GSG1L: variants seen among roughly 807,000 people sequenced by gnomAD.
The protein encoded by GSG1L is germ cell-specific gene 1-like protein.
In GSG1L, 24 loss-of-function variants were observed where a neutral mutation model predicts 42.1. The ratio of observed to expected loss-of-function variants is 0.57; its 90% CI spans 0.41 to 0.80. GSG1L has a LOEUF of 0.80. Among genes scored for constraint, GSG1L ranks in the 30% least tolerant of loss-of-function variants. The pLI is 0.00. For missense variants in GSG1L, 445 were observed against 472.2 expected (o/e 0.94, Z 0.53); for synonymous variants, 215 against 203.5 (o/e 1.06, Z -0.48).
At chr16:28,032,902 C>G (rs1401273524) in intron 1 of GSG1L, among the ~76,000 whole-genome samples, 1 of 152,186 alleles carries the variant, frequency 6.6e-6, no homozygotes, top group African/African-American at 2.4e-5. Flanking sequence ...CCTTCAATAT[C>G]TGCCTGCCTT....
At chr16:27,865,598 CACAT>C (rs1311293891) in intron 3 of GSG1L, among the ~76,000 whole-genome samples, 2 of 137,424 alleles carry the variant, frequency 1.5e-5, no homozygotes, top group Non-Finnish European at 3.2e-5. Flanking sequence ...TACATACACA[CACAT>C]ATATATACAC....
chr16:27,845,405 T>C (rs1172622666), intron 3 of GSG1L, among the ~76,000 whole-genome samples: 1 of 152,192 alleles, frequency 6.6e-6, no homozygotes, highest in African/African-American at 2.4e-5. Context: ...ATTTTTTGTA[T>C]TTTCATTTTT....
At position 28,063,371 on chromosome 16, in the gene GSG1L, C is replaced by T; in HGVS notation, c.54G>A (p.Leu18=). ...RALLAVALNL[L]ALLFATTAFL... ...AAGCGGTGGTGGCGAACAGCAGCGC[C>T]AGCAGGTTCAGGGCCACGGCCAGGA... is the stretch of plus-strand genomic sequence containing the variant. Residue 18 remains leucine, a synonymous_variant, in exon 1 of 7, where the codon CTG becomes CTA. Coordinates refer to ENST00000447459, the MANE Select transcript of GSG1L (RefSeq NM_001109763.2). This position sits in a 1 kb window ranked among gnomAD's most constrained non-coding sequence, Gnocchi z 5.8. 1 of 1,399,164 alleles carries T rather than the reference C, an allele frequency of 7.1e-7. No individual in the cohort carries two copies. The highest frequency in any genetic ancestry group is 1.3e-5 in the South Asian group (1 of 74,960). The allele number at this position is 1,399,164 out of a possible 1,614,324, so 86.7% of individuals were successfully genotyped here.
At chr16:28,052,797 G>C (rs904097116) in intron 1 of GSG1L, among the ~76,000 whole-genome samples, 1 of 152,242 alleles carries the variant, frequency 6.6e-6, no homozygotes, top group African/African-American at 2.4e-5. Context: ...CAGATGATTA[G>C]GTAGGGACAT....
chr16:28,010,473 T>C (rs143771323), intron 1 of GSG1L, among the ~76,000 whole-genome samples: 4 of 151,830 alleles, frequency 2.6e-5, no homozygotes, highest in African/African-American at 9.7e-5. Flanking sequence ...AGAAAGAAAA[T>C]ATTGGATTGG....
chr16:28,061,582 G>A (rs1248203358), intron 1 of GSG1L, among the ~76,000 whole-genome samples: 3 of 152,172 alleles, frequency 2.0e-5, no homozygotes, highest in South Asian at 4.1e-4. Context: ...CCTACTATGC[G>A]CTAGACATTA....
chr16:28,025,513 C>T (rs2085890668), intron 1 of GSG1L, among the ~76,000 whole-genome samples: 1 of 152,216 alleles, frequency 6.6e-6, no homozygotes, highest in Non-Finnish European at 1.5e-5. Context: ...TCCTCCCAAG[C>T]CCGGCTCAAC....
chr16:27,899,682 A>G (rs762958640), intron 2 of GSG1L, among the ~76,000 whole-genome samples: 10 of 152,202 alleles, frequency 6.6e-5, no homozygotes, highest in Non-Finnish European at 1.2e-4. Context: ...GTACCACTGC[A>G]CTCCAGCCAG....
At chr16:27,806,578 G>C (rs932318504) in intron 6 of GSG1L, among the ~76,000 whole-genome samples, 11 of 152,214 alleles carry the variant, frequency 7.2e-5, no homozygotes, top group African/African-American at 2.7e-4. Flanking sequence ...TCCCACTCCA[G>C]GGTGAGGGAG....
intron 3 of GSG1L, among the ~76,000 whole-genome samples, chr16:27,866,264 AT>A (rs2083723127): frequency 6.6e-6 from 1 of 152,132 alleles, no homozygotes; most frequent in African/African-American, 2.4e-5. Flanking sequence ...ATACCAAATC[AT>A]TACATACTTA....
intron 1 of GSG1L, among the ~76,000 whole-genome samples, chr16:28,000,236 G>C (rs922434021): frequency 6.6e-6 from 1 of 152,246 alleles, no homozygotes; most frequent in Non-Finnish European, 1.5e-5. Flanking sequence ...GGGAGGCCAA[G>C]GTGGGAGGAT....
rs75792814 is a variant in GSG1L at position 27,971,896 on chromosome 16, T to C, written c.350-8693A>G. ...TCTTTAGTCCCACAACAAACTTCAA[T>C]GAGAATCTCCACTTTCAAGACAAGC... is the stretch of plus-strand genomic sequence containing the variant. On this transcript the variant is annotated intron_variant, in intron 1 of 6. Transcript: ENST00000447459. 8.4e-3 allele frequency among the ~76,000 whole-genome samples: 1,276 copies of C among 152,326 alleles called. 19 individuals carry two copies. The highest frequency in any genetic ancestry group is 0.029 in the African/African-American group (1,192 of 41,580).
At chr16:28,007,747 C>T (rs2085661546) in intron 1 of GSG1L, among the ~76,000 whole-genome samples, 1 of 152,044 alleles carries the variant, frequency 6.6e-6, no homozygotes, top group African/African-American at 2.4e-5. Flanking sequence ...AACTCCTGGG[C>T]TCAAGTGATC....
intron 1 of GSG1L, among the ~76,000 whole-genome samples, chr16:28,055,650 A>G (rs928936874): frequency 1.3e-5 from 2 of 151,432 alleles, no homozygotes; most frequent in African/African-American, 4.9e-5. Flanking sequence ...TTATATTTTT[A>G]GTAGAGATGG....
intron 1 of GSG1L, among the ~76,000 whole-genome samples, chr16:28,052,140 G>A (rs896730834): frequency 1.3e-5 from 2 of 151,902 alleles, no homozygotes; most frequent in Non-Finnish European, 2.9e-5. Context: ...TGACTCCAAG[G>A]TCTTTTGCCT....
intron 2 of GSG1L, among the ~76,000 whole-genome samples, chr16:27,937,269 G>A (rs948205358): frequency 6.6e-5 from 10 of 151,132 alleles, no homozygotes; most frequent in East Asian, 3.9e-4. Flanking sequence ...ATGGAGTCTC[G>A]CTCTGTCATC....
At chr16:27,877,495 G>T (rs1207558420) in intron 3 of GSG1L, among the ~76,000 whole-genome samples, 1 of 151,728 alleles carries the variant, frequency 6.6e-6, no homozygotes, top group Non-Finnish European at 1.5e-5. Flanking sequence ...AACATTTCAT[G>T]GGTCCCTAGC....
At chr16:27,953,946 GA>G (rs1567533302) in intron 2 of GSG1L, among the ~76,000 whole-genome samples, 1 of 152,176 alleles carries the variant, frequency 6.6e-6, no homozygotes, top group African/African-American at 2.4e-5. Flanking sequence ...ATTGAATTTG[GA>G]AAGAGTTGAG....
rs980300330 is a variant in GSG1L, at chr16:27,888,577, T to C, written c.398-3939A>G. ...TTTCTTTCTTTCTTTCTTTCTTTCT[T>C]TCTTTCTCCGTCTCTCTCTGTCTCT... On this transcript the variant is annotated intron_variant, in intron 2 of 6. Transcript: ENST00000447459. Among the ~76,000 whole-genome samples, 5 of 125,452 alleles carry C rather than the reference T, an allele frequency of 4.0e-5. 1 individual carries two copies. Among genetic ancestry groups the C allele is most frequent in the Admixed American group, 1.6e-4 (2 of 12,176 alleles). The allele number at this position is 125,452 out of a possible 152,430, so 82.3% of individuals were successfully genotyped here.
Sources: gnomAD v4.1 joint callset for allele counts (sites outside exome capture counted in the v4.1 genomes callset) on GRCh38, gnomAD v4.1.1 for gene constraint, Gnocchi (gnomAD v3.1) non-coding constraint, MANE v1.5 for transcripts, NCBI Gene and HGNC (gene_info 2026-07-23, HGNC 2026-07-21) for gene names.